NBAS: variants seen among roughly 807,000 people sequenced by gnomAD.
NBAS encodes the protein NBAS subunit of NRZ tethering complex, also known as NAG/BC035112 fusion.
NBAS carries 219 observed loss-of-function variants against 302.5 expected under a neutral mutation model. The observed-to-expected ratio is 0.72, with a 90% confidence interval of 0.65 to 0.81. NBAS has a LOEUF of 0.81. Among genes scored for constraint, NBAS ranks in the 30% least tolerant of loss-of-function variants. The pLI is 0.00. For synonymous variants in NBAS, 1,118 were observed against 1,021.6 expected, an observed-to-expected ratio of 1.09 and a Z score of -1.80; for missense variants, 2,932 against 2,841.6, an observed-to-expected ratio of 1.03 and a Z score of -0.72.
intron 9 of NBAS, among the ~76,000 whole-genome samples, chr2:15,512,115 T>C (rs1662172204): frequency 6.6e-6 from 1 of 152,122 alleles, no homozygotes; most frequent in Admixed American, 6.6e-5. Context: ...TTCTTGGCCA[T>C]ACTCATAGAA....
the NBAS span, among the ~76,000 whole-genome samples, chr2:14,824,385 A>G: frequency 6.6e-6 from 1 of 152,200 alleles, no homozygotes; most frequent in African/African-American, 2.4e-5. Context: ...TAAAATTACA[A>G]TGCTATTAAG....
At chr2:15,473,976 A>C (rs1221883426) in intron 15 of NBAS, 91 bp downstream of exon 15, 1 of 1,512,212 alleles carries the variant, frequency 6.6e-7, no homozygotes, top group African/African-American at 1.4e-5. Context: ...TCCCTCTTGA[A>C]ATTTTCTCCT....
At chr2:15,559,924 C>A in intron 1 of NBAS, among the ~76,000 whole-genome samples, 1 of 152,172 alleles carries the variant, frequency 6.6e-6, no homozygotes, top group East Asian at 1.9e-4. Context: ...AAAATATTCA[C>A]ATTAAGACAA....
chr2:15,330,555 T>C (rs367712394), intron 36 of NBAS, 43 bp downstream of exon 36: 5 of 1,610,184 alleles, frequency 3.1e-6, no homozygotes, highest in Non-Finnish European at 3.4e-6. Context: ...TGAATTTATA[T>C]AAACCATGCA....
At chr2:14,848,735 C>A in the NBAS span, among the ~76,000 whole-genome samples, 648 of 151,336 alleles carry the variant, frequency 4.3e-3, 3 homozygotes, top group African/African-American at 0.015. Flanking sequence ...GATCTGAGAA[C>A]GGGCAGACTG....
At chr2:14,993,606 T>C in the NBAS span, among the ~76,000 whole-genome samples, 1 of 152,258 alleles carries the variant, frequency 6.6e-6, no homozygotes. Context: ...TTCAAAGTGT[T>C]GGCAAATTCT....
chr2:15,282,670 C>T (rs775898700), intron 42 of NBAS, among the ~76,000 whole-genome samples: 5 of 152,080 alleles, frequency 3.3e-5, no homozygotes, highest in Non-Finnish European at 7.4e-5. Context: ...TTTGAGTGAC[C>T]AAAAAGTAGA....
chr2:15,490,452 C>T (rs1489177731), intron 11 of NBAS, among the ~76,000 whole-genome samples: 1 of 152,112 alleles, frequency 6.6e-6, no homozygotes, highest in East Asian at 1.9e-4. Flanking sequence ...AGCAAAAGTA[C>T]TTCAAAGCAA....
At chr2:15,263,082 T>C (rs1232338774) in intron 44 of NBAS, among the ~76,000 whole-genome samples, 2 of 152,182 alleles carry the variant, frequency 1.3e-5, no homozygotes, top group East Asian at 3.8e-4. Context: ...GGCTTCACAA[T>C]GAAATTTCCG....
chr2:14,808,634 G>A, the NBAS span, among the ~76,000 whole-genome samples: 2 of 152,164 alleles, frequency 1.3e-5, no homozygotes, highest in Admixed American at 6.5e-5. Flanking sequence ...AAAGTAAATT[G>A]CCCAGTCTTG....
Position 15,270,681 on chromosome 2 carries a change from T to C in NBAS, c.5724+4803A>G, listed in dbSNP as rs146758831. ...AATAAGAGATAAAAGGCACCATCCC[T>C]GTCCTCAAAAATTTCCAATTTCATT... On this transcript the variant is annotated intron_variant, in intron 44 of 51. Transcript: ENST00000281513. Among the ~76,000 whole-genome samples the C allele has an allele frequency of 5.6e-3, 855 of 152,290 alleles. 9 individuals are homozygous for C. The highest frequency in any genetic ancestry group is 5.6e-3 in the Non-Finnish European group (382 of 68,014).
chr2:15,508,472 G>A (rs757415257), intron 10 of NBAS, among the ~76,000 whole-genome samples: 4 of 152,036 alleles, frequency 2.6e-5, no homozygotes, highest in Non-Finnish European at 5.9e-5. Flanking sequence ...ACTTACCCAC[G>A]TTCTCTCCTT....
At chr2:15,040,722 C>T in the NBAS span, among the ~76,000 whole-genome samples, 39 of 152,268 alleles carry the variant, frequency 2.6e-4, no homozygotes, top group Non-Finnish European at 4.7e-4. Context: ...CTAAGCCCCA[C>T]CCTTGCCCTT....
chr2:15,432,232 T>C (rs1386425555), intron 21 of NBAS, among the ~76,000 whole-genome samples: 1 of 151,700 alleles, frequency 6.6e-6, no homozygotes, highest in African/African-American at 2.4e-5. Context: ...TGTCTATTTT[T>C]CCCCTGCTTG....
At chr2:14,930,761 G>A in the NBAS span, among the ~76,000 whole-genome samples, 2 of 152,152 alleles carry the variant, frequency 1.3e-5, no homozygotes, top group African/African-American at 2.4e-5. Flanking sequence ...AAAGGACAAT[G>A]GATTTTATGA....
intron 44 of NBAS, among the ~76,000 whole-genome samples, chr2:15,240,635 A>T (rs1049270054): frequency 6.6e-6 from 1 of 152,084 alleles, no homozygotes; most frequent in Non-Finnish European, 1.5e-5. Flanking sequence ...AACAAAAAAA[A>T]TGCTGACAGG....
intron 21 of NBAS, among the ~76,000 whole-genome samples, chr2:15,439,106 T>G (rs908783494): frequency 2.0e-5 from 3 of 151,958 alleles, no homozygotes; most frequent in African/African-American, 7.3e-5. Context: ...CCATCCTGGC[T>G]AACACGGTGA....
At chr2:15,019,761 A>G in the NBAS span, among the ~76,000 whole-genome samples, 12 of 152,102 alleles carry the variant, frequency 7.9e-5, no homozygotes, top group Admixed American at 5.9e-4. Flanking sequence ...CCTTTATAAG[A>G]AGAGCCCAGA....
chr2:14,983,652 A>T, the NBAS span, among the ~76,000 whole-genome samples: 3 of 152,216 alleles, frequency 2.0e-5, no homozygotes, highest in African/African-American at 7.2e-5. Context: ...AAGGGTAAGA[A>T]AAGTTTGAGG....
Sources: allele counts gnomAD v4.1 joint callset (sites outside exome capture counted in the v4.1 genomes callset), GRCh38; gene constraint gnomAD v4.1.1; transcripts MANE v1.5; gene names NCBI Gene and HGNC (gene_info 2026-07-23, HGNC 2026-07-21).